The following LRRC18 variants were observed in gnomAD, a reference collection of about 807,000 sequenced individuals.
LRRC18 encodes leucine-rich repeat-containing protein 18.
LRRC18 carries 12 observed loss-of-function variants against 11.2 expected under a neutral mutation model. The observed-to-expected ratio is 1.07, with a 90% CI of 0.69 to 1.74. The LOEUF is 1.74. Among genes scored for constraint, LRRC18 ranks in the 40% most tolerant of loss-of-function variants. LRRC18 has a pLI of 0.00. For synonymous variants in LRRC18, 155 were observed against 130.6 expected (o/e 1.19, Z -1.27); for missense variants, 374 against 330.5 (o/e 1.13, Z -1.02).
At chr10:48,910,516 A>G (rs1020719347) in intron 1 of LRRC18, among the ~76,000 whole-genome samples, 55 of 152,226 alleles carry the variant, frequency 3.6e-4, no homozygotes, top group Admixed American at 3.5e-3. Context: ...ACCAACATCA[A>G]ACCTTTTCCT....
the LRRC18 span, among the ~76,000 whole-genome samples, chr10:48,937,948 A>G: frequency 6.6e-6 from 1 of 152,006 alleles, no homozygotes; most frequent in African/African-American, 2.4e-5. Flanking sequence ...TGCCCCCAGC[A>G]TCTCCCCAGC....
the LRRC18 span, among the ~76,000 whole-genome samples, chr10:48,928,550 G>A: frequency 6.6e-6 from 1 of 152,164 alleles, no homozygotes; most frequent in African/African-American, 2.4e-5. Context: ...CTCCCTGAGT[G>A]CAGGCTTTCA....
At chr10:48,911,458 T>C (rs1837997291) in intron 1 of LRRC18, among the ~76,000 whole-genome samples, 3 of 152,230 alleles carry the variant, frequency 2.0e-5, no homozygotes, top group Non-Finnish European at 2.9e-5. Context: ...TATTTTAAAA[T>C]GTTTTAGTTA....
the LRRC18 span, among the ~76,000 whole-genome samples, chr10:48,931,383 G>T: frequency 1.1e-4 from 16 of 152,174 alleles, no homozygotes; most frequent in African/African-American, 3.9e-4. Context: ...GGAGGAGCAG[G>T]CAGCCCAAGG....
At chr10:48,923,201 G>A in the LRRC18 span, among the ~76,000 whole-genome samples, 4,213 of 152,064 alleles carry the variant, frequency 0.028, 105 homozygotes, top group African/African-American at 0.06. Context: ...ATCCAAATAG[G>A]TAGCATCTGG....
chr10:48,913,304 GA>G (rs1349405393), intron 1 of LRRC18, 87 bp downstream of exon 3: 1 of 1,243,814 alleles, frequency 8.0e-7, no homozygotes, highest in Non-Finnish European at 1.1e-6. Context: ...AGCCACAGGG[GA>G]GCCCTTGGTT....
the LRRC18 span, among the ~76,000 whole-genome samples, chr10:48,921,693 A>C: frequency 1.3e-5 from 2 of 152,236 alleles, no homozygotes; most frequent in Non-Finnish European, 2.9e-5. Flanking sequence ...TCTGGTATCC[A>C]AAATCTATAA....
At chr10:48,915,156 G>T (rs1264862108), upstream of LRRC18, among the ~76,000 whole-genome samples, 1 of 152,066 alleles carries the variant, frequency 6.6e-6, no homozygotes, top group African/African-American at 2.4e-5. Context: ...GCTATGAGGG[G>T]GCGTAAATTA....
chr10:48,932,859 A>T, the LRRC18 span, among the ~76,000 whole-genome samples: 2 of 152,190 alleles, frequency 1.3e-5, no homozygotes, highest in African/African-American at 4.8e-5. Context: ...AATGCTAAGA[A>T]GAAGCCACAT....
the LRRC18 span, among the ~76,000 whole-genome samples, chr10:48,930,805 TC>T: frequency 6.6e-6 from 1 of 152,082 alleles, no homozygotes; most frequent in Non-Finnish European, 1.5e-5. Context: ...AAAAATTATT[TC>T]CCAAAAATGT....
chr10:48,929,092 G>C, the LRRC18 span, among the ~76,000 whole-genome samples: 1 of 152,172 alleles, frequency 6.6e-6, no homozygotes, highest in East Asian at 1.9e-4. Context: ...AGGCCAGGAG[G>C]GCCATCTTTG....
chr10:48,926,490 G>A, the LRRC18 span, among the ~76,000 whole-genome samples: 3 of 152,174 alleles, frequency 2.0e-5, no homozygotes, highest in African/African-American at 7.2e-5. Flanking sequence ...AGACAGAGAG[G>A]CAGCCTTAGC....
the LRRC18 span, among the ~76,000 whole-genome samples, chr10:48,939,488 C>T: frequency 1.3e-5 from 2 of 152,222 alleles, no homozygotes; most frequent in Admixed American, 1.3e-4. Context: ...ACTTCACAGC[C>T]AGAGCTCTTT....
the LRRC18 span, among the ~76,000 whole-genome samples, chr10:48,930,134 G>C: frequency 6.6e-6 from 1 of 152,048 alleles, no homozygotes; most frequent in South Asian, 2.1e-4. Flanking sequence ...CAGTCTAAGC[G>C]CTTACAAGGT....
At chr10:48,921,199 A>T in the LRRC18 span, among the ~76,000 whole-genome samples, 2 of 152,196 alleles carry the variant, frequency 1.3e-5, no homozygotes, top group African/African-American at 4.8e-5. Flanking sequence ...TTGGAGGATT[A>T]TGTGTCCCAA....
At chr10:48,915,738 G>A (rs1564481672), upstream of LRRC18, among the ~76,000 whole-genome samples, 1 of 152,154 alleles carries the variant, frequency 6.6e-6, no homozygotes, top group Non-Finnish European at 1.5e-5. Flanking sequence ...CCTGCGAAAG[G>A]CCTGATGGAT....
chr10:48,920,565 C>T, the LRRC18 span, among the ~76,000 whole-genome samples: 3 of 152,106 alleles, frequency 2.0e-5, no homozygotes, highest in Non-Finnish European at 4.4e-5. Flanking sequence ...TAGTATCATA[C>T]TTCGTGAAGG....
intron 1 of LRRC18, among the ~76,000 whole-genome samples, chr10:48,912,630 T>C (rs1838110575): frequency 6.6e-6 from 1 of 152,230 alleles, no homozygotes; most frequent in Admixed American, 6.5e-5. Context: ...AGCATGGTGC[T>C]GAGTAAGGTG....
chr10:48,938,504 G>T, the LRRC18 span, among the ~76,000 whole-genome samples: 1 of 152,226 alleles, frequency 6.6e-6, no homozygotes, highest in Non-Finnish European at 1.5e-5. Flanking sequence ...AAGAGCTCTT[G>T]GAACATGCCT....
Sources: allele counts gnomAD v4.1 joint callset (sites outside exome capture counted in the v4.1 genomes callset), GRCh38; gene constraint gnomAD v4.1.1; transcripts MANE v1.5; gene names NCBI Gene and HGNC (gene_info 2026-07-23, HGNC 2026-07-21).